UBA3: variants seen among roughly 807,000 people sequenced by gnomAD.
The protein encoded by UBA3 is ubiquitin like modifier activating enzyme 3, also known as NEDD8-activating enzyme E1 catalytic subunit.
In UBA3, 26 loss-of-function variants were observed where a neutral mutation model predicts 73.5. That is an observed-to-expected ratio of 0.35 (90% CI 0.26 to 0.49). The LOEUF (loss-of-function observed/expected upper bound fraction) is 0.49. Among genes scored for constraint, UBA3 ranks in the 20% least tolerant of loss-of-function variants. UBA3 has a pLI of 0.98. For missense variants in UBA3, 495 were observed against 555.6 expected (o/e 0.89, Z 1.10); for synonymous variants, 217 against 191.2 (o/e 1.13, Z -1.11).
chr3:69,056,874 T>C, intron 12 of UBA3, 59 bp from the exon 13 acceptor site: 1 of 1,554,630 alleles, frequency 6.4e-7, no homozygotes. Context: ...ATGTTAAAAG[T>C]CAGTTATAAA....
At chr3:69,073,849 TAGTC>T (rs1297302936) in intron 4 of UBA3, among the ~76,000 whole-genome samples, 1 of 152,114 alleles carries the variant, frequency 6.6e-6, no homozygotes, top group East Asian at 1.9e-4. Context: ...TTCACTGTGT[TAGTC>T]AGGATAGTCT....
chr3:69,063,222 C>A, intron 8 of UBA3, 85 bp from the exon 9 acceptor site: 1 of 1,536,244 alleles, frequency 6.5e-7, no homozygotes. Context: ...TCCTATGAGT[C>A]GGTTGTGCTA....
At chr3:69,073,322 T>G (rs1342372304) in intron 4 of UBA3, among the ~76,000 whole-genome samples, 1 of 152,206 alleles carries the variant, frequency 6.6e-6, no homozygotes, top group Non-Finnish European at 1.5e-5. Context: ...CTCCTTGCAG[T>G]CCTTGAACAA....
In UBA3 at chr3:69,055,463, G is replaced by A. The variant is rs746572612; in HGVS notation, c.1366C>T (p.Leu456=). 3 of 1,562,574 alleles carry A rather than the reference G, an allele frequency of 1.9e-6. No individual in the cohort carries two copies. In the East Asian group the frequency reaches 7.0e-5, roughly 37 times the overall value. ...TAAGAAGTAAAATGAAGTTTGAATA[G>A]TACAGTCTGTGGGGTGGTGACATCA... ...VADVTTPQTV[L]FKLHFTS is the part of the protein sequence containing the mutation. The change falls in exon 18 of 18, where the codon CTA becomes TTA. Residue 456 remains leucine, a synonymous_variant. Transcript: ENST00000361055.
intron 17 of UBA3, 109 bp from the exon 18 acceptor site, chr3:69,055,634 C>G (rs1225595695): frequency 1.1e-6 from 1 of 931,226 alleles, no homozygotes; most frequent in African/African-American, 1.7e-5. Context: ...CATCAAAATC[C>G]AATCCTCTTT....
chr3:69,074,420 C>T (rs1483618708), intron 4 of UBA3, among the ~76,000 whole-genome samples: 1 of 152,164 alleles, frequency 6.6e-6, no homozygotes, highest in East Asian at 1.9e-4. Context: ...ACAGAGACCA[C>T]GATGACATAT....
At chr3:69,059,240 A>G (rs931241725) in intron 11 of UBA3, among the ~76,000 whole-genome samples, 1 of 152,228 alleles carries the variant, frequency 6.6e-6, no homozygotes, top group African/African-American at 2.4e-5. Context: ...TGGTCAGGGA[A>G]GGCCTCCTTG....
intron 6 of UBA3, among the ~76,000 whole-genome samples, chr3:69,064,485 A>G (rs942548884): frequency 8.5e-5 from 13 of 152,354 alleles, no homozygotes; most frequent in African/African-American, 2.9e-4. Context: ...TTAGTGAAGG[A>G]AAGATGCACA....
intron 5 of UBA3, among the ~76,000 whole-genome samples, chr3:69,070,552 A>G (rs1008379092): frequency 6.6e-6 from 1 of 152,232 alleles, no homozygotes; most frequent in African/African-American, 2.4e-5. Context: ...ATACACTTTT[A>G]CCTAAACTAC....
intron 7 of UBA3, 71 bp downstream of exon 7, chr3:69,063,997 A>C (rs1176209890): frequency 1.6e-6 from 2 of 1,264,564 alleles, no homozygotes; most frequent in African/African-American, 3.0e-5. Flanking sequence ...AATAGCTAGC[A>C]ATATTTGAAT....
intron 2 of UBA3, 38 bp downstream of exon 2, chr3:69,080,074 G>A (rs530473144): frequency 1.3e-6 from 2 of 1,596,826 alleles, no homozygotes; most frequent in Admixed American, 3.4e-5. Flanking sequence ...GGAGGCGGGG[G>A]TCCCCGGAGA....
At position 69,055,467 on chromosome 3, in the gene UBA3, A is replaced by G; in HGVS notation, c.1362T>C (p.Thr454=). ...LAVADVTTPQ[T]VLFKLHFTS Reference sequence around the variant, plus strand: ...AAGTAAAATGAAGTTTGAATAGTACAGTCTGTGGGGTGGTGACATCAGCAA... The same window carrying G: ...AAGTAAAATGAAGTTTGAATAGTACGGTCTGTGGGGTGGTGACATCAGCAA... The change falls in exon 18 of 18, where the codon ACT becomes ACC. Residue 454 remains threonine, a synonymous_variant. Coordinates refer to ENST00000361055, the MANE Select transcript of UBA3 (RefSeq NM_003968.4). 9 of 1,565,568 alleles carry G rather than the reference A, an allele frequency of 5.7e-6. No individual in the cohort carries two copies. Among genetic ancestry groups the G allele is most frequent in the Non-Finnish European group, 7.7e-6 (9 of 1,166,086 alleles).
chr3:69,077,746 T>C, intron 3 of UBA3, 52 bp downstream of exon 3: 1 of 1,514,970 alleles, frequency 6.6e-7, no homozygotes, highest in Non-Finnish European at 8.9e-7. Flanking sequence ...ATTCTATTAG[T>C]TTTGAAACAT....
chr3:69,062,160 G>C lies in UBA3; in HGVS notation c.713C>G (p.Thr238Ser). 1 of 1,612,196 alleles carries C rather than the reference G, an allele frequency of 6.2e-7. No homozygotes were observed. Among genetic ancestry groups the C allele is most frequent in the South Asian group, 1.1e-5 (1 of 90,904 alleles). ...TGGTAGCCTGGGCATAGATGCAATG[G>C]TGCACATGGGAAAATTAACCTAAAA... ...YPPQVNFPMC[T>S]IASMPRLPEH... The change falls in exon 10 of 18, where the codon ACC becomes AGC. Residue 238 changes from threonine to serine, a missense_variant. Physicochemically the swap from Thr to Ser is moderately conservative, Grantham distance 58. Transcript: ENST00000361055.
At chr3:69,063,248 T>G in intron 8 of UBA3, 111 bp from the exon 9 acceptor site, 1 of 1,388,392 alleles carries the variant, frequency 7.2e-7, no homozygotes, top group Non-Finnish European at 9.9e-7. Flanking sequence ...TACCAATGTA[T>G]CAAATCAAGG....
intron 11 of UBA3, among the ~76,000 whole-genome samples, chr3:69,058,195 G>T (rs116929208): frequency 4.6e-5 from 7 of 152,130 alleles, no homozygotes; most frequent in Non-Finnish European, 8.8e-5. Flanking sequence ...CTCCCAAAGT[G>T]CTGGGACTCA....
chr3:69,056,953 A>T (rs2091979112), intron 12 of UBA3, 138 bp from the exon 13 acceptor site: 2 of 954,382 alleles, frequency 2.1e-6, no homozygotes, highest in Non-Finnish European at 3.1e-6. Context: ...AAACTGAGAC[A>T]GTAACAAATT....
chr3:69,072,666 T>C (rs1024458844), intron 4 of UBA3, among the ~76,000 whole-genome samples: 2 of 152,232 alleles, frequency 1.3e-5, no homozygotes, highest in Non-Finnish European at 2.9e-5. Flanking sequence ...AGTAGCCTTG[T>C]GCTTTGTTCT....
intron 11 of UBA3, among the ~76,000 whole-genome samples, chr3:69,058,684 T>G (rs969818305): frequency 6.6e-6 from 1 of 152,054 alleles, no homozygotes; most frequent in Non-Finnish European, 1.5e-5. Context: ...GTAAGAACAT[T>G]GCCAAAATGA....
Sources: allele counts gnomAD v4.1 joint callset (sites outside exome capture counted in the v4.1 genomes callset), GRCh38; gene constraint gnomAD v4.1.1; transcripts MANE v1.5; gene names NCBI Gene and HGNC (gene_info 2026-07-23, HGNC 2026-07-21).